The following RPS6KC1 variants were observed in gnomAD, a reference collection of about 807,000 sequenced individuals.
RPS6KC1 encodes the protein ribosomal protein S6 kinase C1, also known as inactive ribosomal protein S6 kinase delta-1.
A neutral mutation model predicts 103.8 loss-of-function variants in RPS6KC1; 54 were observed. That is an observed-to-expected ratio of 0.52 (90% CI 0.42 to 0.65). The LOEUF (loss-of-function observed/expected upper bound fraction) is 0.65, where lower values mean the gene tolerates loss of function less well. Ranked by LOEUF, RPS6KC1 falls within the 30% of genes least tolerant of loss-of-function variation. The probability of loss-of-function intolerance (pLI) is 0.00; values close to 1 mark genes in which losing one functional copy is unlikely to be tolerated. For missense variants in RPS6KC1, 1,151 were observed against 1,253.8 expected, an observed-to-expected ratio of 0.92 and a Z score of 1.24; for synonymous variants, 439 against 438.7, an observed-to-expected ratio of 1.00 and a Z score of -0.01.
At chr1:213,098,986 C>T (rs2081755930) in intron 3 of RPS6KC1, among the ~76,000 whole-genome samples, 1 of 152,108 alleles carries the variant, frequency 6.6e-6, no homozygotes, top group African/African-American at 2.4e-5. Flanking sequence ...ACTCTGTTCA[C>T]AGGAAAATAA....
chr1:213,519,341 G>A, the RPS6KC1 span, among the ~76,000 whole-genome samples: 42 of 152,138 alleles, frequency 2.8e-4, no homozygotes, highest in Admixed American at 2.0e-3. Context: ...CTCCCACACC[G>A]AGCTTATAAA....
chr1:213,215,607 A>C (rs962790402), intron 8 of RPS6KC1, among the ~76,000 whole-genome samples: 13 of 152,200 alleles, frequency 8.5e-5, no homozygotes, highest in African/African-American at 3.1e-4. Context: ...TGGAGGAAAA[A>C]ATGTTAAGGG....
chr1:213,476,906 C>T, the RPS6KC1 span, among the ~76,000 whole-genome samples: 1 of 152,212 alleles, frequency 6.6e-6, no homozygotes, highest in Non-Finnish European at 1.5e-5. Context: ...GTTTAGGACC[C>T]ATGTAAATTA....
At chr1:213,671,666 C>G in the RPS6KC1 span, among the ~76,000 whole-genome samples, 2 of 152,098 alleles carry the variant, frequency 1.3e-5, no homozygotes, top group Non-Finnish European at 2.9e-5. Flanking sequence ...TGCCTGTAAT[C>G]CCAGCTACTC....
the RPS6KC1 span, among the ~76,000 whole-genome samples, chr1:213,486,827 A>T: frequency 6.6e-6 from 1 of 152,240 alleles, no homozygotes; most frequent in African/African-American, 2.4e-5. Flanking sequence ...AGCGTGAGAA[A>T]CATAGGCCTA....
At chr1:213,292,338 G>A in the RPS6KC1 span, among the ~76,000 whole-genome samples, 1 of 152,084 alleles carries the variant, frequency 6.6e-6, no homozygotes, top group East Asian at 1.9e-4. Flanking sequence ...GGAAGCCTGG[G>A]AACTCCAAGC....
chr1:213,277,902 G>A (rs570278347), downstream of RPS6KC1, among the ~76,000 whole-genome samples: 70 of 152,154 alleles, frequency 4.6e-4, no homozygotes, highest in Non-Finnish European at 9.0e-4. Flanking sequence ...TATCAACTCT[G>A]TTGATCAAAT....
At chr1:213,800,942 C>G in the RPS6KC1 span, among the ~76,000 whole-genome samples, 1 of 152,180 alleles carries the variant, frequency 6.6e-6, no homozygotes, top group Non-Finnish European at 1.5e-5. Flanking sequence ...TCATGAAATG[C>G]ACATTGAAAG....
the RPS6KC1 span, among the ~76,000 whole-genome samples, chr1:213,515,047 A>G: frequency 6.6e-6 from 1 of 152,186 alleles, no homozygotes; most frequent in Admixed American, 6.5e-5. Flanking sequence ...GTATCTCTTC[A>G]TATCCTTTGC....
the RPS6KC1 span, among the ~76,000 whole-genome samples, chr1:213,544,603 A>G: frequency 0.13 from 19,752 of 151,968 alleles, 1,370 homozygotes; most frequent in East Asian, 0.27. Context: ...CATATAGGTT[A>G]TCCTTGCACA....
chr1:213,563,696 C>A, the RPS6KC1 span, among the ~76,000 whole-genome samples: 1 of 151,988 alleles, frequency 6.6e-6, no homozygotes, highest in Non-Finnish European at 1.5e-5. Flanking sequence ...CCAGGGAGTA[C>A]CAATCATGTT....
the RPS6KC1 span, among the ~76,000 whole-genome samples, chr1:213,307,448 G>A: frequency 6.6e-6 from 1 of 152,144 alleles, no homozygotes; most frequent in African/African-American, 2.4e-5. Context: ...GAAGGCGTAA[G>A]GACGTACCAT....
At chr1:213,646,899 T>TATATATA in the RPS6KC1 span, among the ~76,000 whole-genome samples, 598 of 100,610 alleles carry the variant, frequency 5.9e-3, 2 homozygotes, top group African/African-American at 0.022. Context: ...ATATATATAT[T>TATATATA]TTTGTTTGTT....
At chr1:213,207,716 C>G (rs1423789883) in intron 8 of RPS6KC1, among the ~76,000 whole-genome samples, 1 of 151,958 alleles carries the variant, frequency 6.6e-6, no homozygotes. Flanking sequence ...CTCTGTTGCC[C>G]AGGCTGGAGT....
At chr1:213,827,723 C>T in the RPS6KC1 span, among the ~76,000 whole-genome samples, 4 of 152,120 alleles carry the variant, frequency 2.6e-5, no homozygotes, top group Non-Finnish European at 5.9e-5. Flanking sequence ...TGATCACTCT[C>T]CTTCACCATC....
At chr1:213,807,641 A>C in the RPS6KC1 span, among the ~76,000 whole-genome samples, 1 of 152,098 alleles carries the variant, frequency 6.6e-6, no homozygotes, top group African/African-American at 2.4e-5. Flanking sequence ...CAGCTCCTTT[A>C]AGCACTTCTC....
At chr1:213,649,663 T>C in the RPS6KC1 span, among the ~76,000 whole-genome samples, 2 of 152,100 alleles carry the variant, frequency 1.3e-5, no homozygotes, top group Admixed American at 1.3e-4. Context: ...TCACAGTGTC[T>C]GTGACGGTTT....
the RPS6KC1 span, among the ~76,000 whole-genome samples, chr1:213,590,097 C>CTT: frequency 6.6e-6 from 1 of 152,042 alleles, no homozygotes; most frequent in Non-Finnish European, 1.5e-5. Flanking sequence ...ATACATATTA[C>CTT]TTATGTTAAC....
chr1:213,182,978 G>T (rs1207223182), intron 8 of RPS6KC1, among the ~76,000 whole-genome samples: 3 of 150,256 alleles, frequency 2.0e-5, no homozygotes, highest in African/African-American at 7.3e-5. Flanking sequence ...AAAAGTAAAA[G>T]GATGGAAATG....
Sources: gnomAD v4.1 joint callset for allele counts (sites outside exome capture counted in the v4.1 genomes callset) on GRCh38, gnomAD v4.1.1 for gene constraint, MANE v1.5 for transcripts, NCBI Gene and HGNC (gene_info 2026-07-23, HGNC 2026-07-21) for gene names.